The following BCL2 variants were observed in gnomAD, a reference collection of about 807,000 sequenced individuals.
BCL2 encodes the protein apoptosis regulator Bcl-2.
In BCL2, 1 loss-of-function variant was observed where a neutral mutation model predicts 14.2. That is an observed-to-expected ratio of 0.07 (90% confidence interval 0.02 to 0.33). BCL2 has a LOEUF of 0.33. Ranked by LOEUF, BCL2 falls within the 10% of genes least tolerant of loss-of-function variation. The pLI is 0.99. For synonymous variants in BCL2, 151 were observed against 137.2 expected (o/e 1.10, Z -0.70); for missense variants, 247 against 305.9 (o/e 0.81, Z 1.44).
intron 2 of BCL2, among the ~76,000 whole-genome samples, chr18:63,244,391 A>G (rs1320965977): frequency 6.6e-6 from 1 of 150,666 alleles, no homozygotes; most frequent in Non-Finnish European, 1.5e-5. Context: ...AACAACAACA[A>G]CAACAACAAA....
At chr18:63,266,604 A>ATCTCTCTCTCTCTCTC (rs36078664) in intron 2 of BCL2, among the ~76,000 whole-genome samples, 2 of 141,498 alleles carry the variant, frequency 1.4e-5, no homozygotes, top group African/African-American at 5.4e-5. Context: ...TGGAACATAA[A>ATCTCTCTCTCTCTCTC]TCTCTCTCTC....
In BCL2 at chr18:63,147,422, C is replaced by T. The variant is rs111719002; in HGVS notation, c.586-18663G>A. 7.2e-5 allele frequency among the ~76,000 whole-genome samples: 11 copies of T among 152,288 alleles called. 1 individual carries two copies. In the South Asian group the frequency reaches 8.3e-4, roughly 11 times the overall value. ...AGCCCTGCTGGCTTGCATTCAAAGT[C>T]GCAATGTGCCATCACATTTATTACC... On this transcript the variant is annotated intron_variant, in intron 2 of 2. Transcript: ENST00000333681.
At chr18:63,255,224 A>G (rs1289783434) in intron 2 of BCL2, among the ~76,000 whole-genome samples, 1 of 152,238 alleles carries the variant, frequency 6.6e-6, no homozygotes, top group Non-Finnish European at 1.5e-5. Flanking sequence ...TTCATAATTC[A>G]TAACTTTTCT....
chr18:63,249,439 G>T (rs544991022), intron 2 of BCL2, among the ~76,000 whole-genome samples: 1 of 152,176 alleles, frequency 6.6e-6, no homozygotes, highest in Non-Finnish European at 1.5e-5. Context: ...AAGTGTGGTG[G>T]CTCACACCTG....
rs1913920362 is a variant in BCL2 at position 63,126,742 on chromosome 18, C to T, written c.*1883G>A. The T allele has an allele frequency of 4.4e-6, 1 of 225,586 alleles. No individual in the cohort carries two copies. The highest frequency in any genetic ancestry group is 1.3e-3 in the Middle Eastern group (1 of 780). 14.0% of individuals were successfully genotyped at this position (225,586 alleles called of 1,614,324 possible). On this transcript the variant is annotated 3_prime_UTR_variant, in exon 3 of 3. Coordinates refer to ENST00000333681, the MANE Select transcript of BCL2 (RefSeq NM_000633.3). ...AAAATCTCAAACAGAAAACGATCACCTTTGCTCACAAATAGTGTATAGGCC... is the reference window on the plus strand; with the variant it reads ...AAAATCTCAAACAGAAAACGATCACTTTTGCTCACAAATAGTGTATAGGCC...
At chr18:63,180,188 C>T (rs957907192) in intron 2 of BCL2, among the ~76,000 whole-genome samples, 7 of 152,350 alleles carry the variant, frequency 4.6e-5, no homozygotes, top group Admixed American at 2.0e-4. Context: ...ATTTTATTAA[C>T]CCCTGACGGC....
At chr18:63,249,310 T>C (rs1467596030) in intron 2 of BCL2, among the ~76,000 whole-genome samples, 1 of 140,528 alleles carries the variant, frequency 7.1e-6, no homozygotes, top group African/African-American at 2.9e-5. Flanking sequence ...GTCCTGTCCA[T>C]TTAACACCCT....
In BCL2 at chr18:63,282,117, A is replaced by C. The variant is rs150655371; in HGVS notation, c.585+35965T>G. 4.0e-3 allele frequency among the ~76,000 whole-genome samples: 616 copies of C among 152,344 alleles called. 5 individuals carry two copies. The highest frequency in any genetic ancestry group is 0.014 in the African/African-American group (566 of 41,570). ...CCATAGCCTTTTGTCGGCTAAAGTG[A>C]GCTTAATGCTGATCAGGTAAATTAA... On this transcript the variant is annotated intron_variant, in intron 2 of 2. Transcript: ENST00000333681.
At chr18:63,172,911 C>T (rs1441339929) in intron 2 of BCL2, among the ~76,000 whole-genome samples, 1 of 152,238 alleles carries the variant, frequency 6.6e-6, no homozygotes, top group African/African-American at 2.4e-5. Context: ...CTCAACTCCG[C>T]ATTCATTCCT....
chr18:63,302,251 G>T (rs1912982611), intron 2 of BCL2: 1 of 793,864 alleles, frequency 1.3e-6, no homozygotes, highest in African/African-American at 1.9e-5. Flanking sequence ...CAGTGAGCCG[G>T]GACTGCACCA....
intron 2 of BCL2, among the ~76,000 whole-genome samples, chr18:63,292,723 T>C (rs1186076996): frequency 6.6e-6 from 1 of 152,214 alleles, no homozygotes; most frequent in Non-Finnish European, 1.5e-5. Context: ...ACAGTTCTCC[T>C]TGATTCTGGG....
At position 63,217,524 on chromosome 18, in the gene BCL2, C is replaced by G. The variant is rs74709048; in HGVS notation, c.586-88765G>C. Among the ~76,000 whole-genome samples the G allele has an allele frequency of 7.6e-3, 1,153 of 152,294 alleles. 17 individuals carry two copies. Among genetic ancestry groups the G allele is most frequent in the African/African-American group, 0.026 (1,082 of 41,546 alleles). On this transcript the variant is annotated intron_variant, in intron 2 of 2. Transcript: ENST00000333681. ...TCAGAAGGTAAGCAACGTTCTCCTT[C>G]CAATGATCCCCAATAGTTCACCCAC...
At chr18:63,166,466 A>C (rs1391611173) in intron 2 of BCL2, among the ~76,000 whole-genome samples, 2 of 152,198 alleles carry the variant, frequency 1.3e-5, no homozygotes, top group Non-Finnish European at 2.9e-5. Context: ...GGCTGGGAGG[A>C]CACCCTGCAG....
In BCL2 at chr18:63,151,562, T is replaced by G. The variant is rs141144245; in HGVS notation, c.586-22803A>C. On this transcript the variant is annotated intron_variant, in intron 2 of 2. Transcript: ENST00000333681. Reference sequence around the variant, plus strand: ...AGGCTACAGGGGGAGGATAAATGTGTGCATAGGGAATGCTAATGGCTTGGC... The same window carrying G: ...AGGCTACAGGGGGAGGATAAATGTGGGCATAGGGAATGCTAATGGCTTGGC... Among the ~76,000 whole-genome samples the G allele has an allele frequency of 2.3e-4, 35 of 152,142 alleles. No homozygotes were observed. The East Asian group carries it at 3.3e-3, about 14-fold the overall frequency.
At chr18:63,299,912 A>G (rs1912911285) in intron 2 of BCL2, among the ~76,000 whole-genome samples, 1 of 150,710 alleles carries the variant, frequency 6.6e-6, no homozygotes, top group Non-Finnish European at 1.5e-5. Context: ...GAAAAAACTC[A>G]CTGGACTGTA....
chr18:63,143,064 T>C (rs570510852), intron 2 of BCL2, among the ~76,000 whole-genome samples: 3 of 152,146 alleles, frequency 2.0e-5, no homozygotes, highest in Admixed American at 6.5e-5. Context: ...CTCATTAACA[T>C]ATGGACAAGA....
At chr18:63,277,202 A>G (rs1420021022) in intron 2 of BCL2, among the ~76,000 whole-genome samples, 1 of 152,132 alleles carries the variant, frequency 6.6e-6, no homozygotes, top group East Asian at 1.9e-4. Flanking sequence ...TTCTTCCTAT[A>G]GAATTTATCA....
intron 2 of BCL2, among the ~76,000 whole-genome samples, chr18:63,251,593 C>T (rs1230408094): frequency 2.7e-5 from 4 of 147,482 alleles, no homozygotes; most frequent in Non-Finnish European, 6.0e-5. Context: ...TGCAGTGAGC[C>T]GAGATCCCGC....
intron 2 of BCL2, among the ~76,000 whole-genome samples, chr18:63,134,389 G>C (rs1914154897): frequency 6.6e-6 from 1 of 152,192 alleles, no homozygotes; most frequent in African/African-American, 2.4e-5. Context: ...CCAGGCAGCA[G>C]CCATGACCTA....
Sources: allele counts gnomAD v4.1 joint callset (sites outside exome capture counted in the v4.1 genomes callset), GRCh38; gene constraint gnomAD v4.1.1; transcripts MANE v1.5; gene names NCBI Gene and HGNC (gene_info 2026-07-23, HGNC 2026-07-21).